Variants in SHC3 observed in about 807,000 individuals in gnomAD.
SHC3 encodes SHC-transforming protein 3.
Under a neutral mutation model 60.4 loss-of-function variants are expected in SHC3, and 15 were observed. The ratio of observed to expected loss-of-function variants is 0.25; its 90% CI spans 0.17 to 0.38. The LOEUF (loss-of-function observed/expected upper bound fraction) is 0.38. SHC3 is among the 10% of genes least tolerant of loss of function. SHC3 has a pLI of 1.00. For missense variants in SHC3, 677 were observed against 786.1 expected (o/e 0.86, Z 1.66); for synonymous variants, 294 against 325.9 (o/e 0.90, Z 1.05).
intron 2 of SHC3, among the ~76,000 whole-genome samples, chr9:89,094,710 C>A (rs1017198815): frequency 6.6e-6 from 1 of 152,096 alleles, no homozygotes; most frequent in Non-Finnish European, 1.5e-5. Context: ...CTGTTTGCAA[C>A]AGAAGCCCTG....
intron 2 of SHC3, among the ~76,000 whole-genome samples, chr9:89,082,832 T>C (rs1825467081): frequency 6.6e-5 from 10 of 152,206 alleles, no homozygotes; most frequent in Admixed American, 6.5e-4. Context: ...GGACTCTGAA[T>C]GCTTCAGCAG....
chr9:89,138,482 A>G (rs1171295241), intron 1 of SHC3, among the ~76,000 whole-genome samples: 1 of 152,224 alleles, frequency 6.6e-6, no homozygotes, highest in East Asian at 1.9e-4. Context: ...GAGGACAACC[A>G]GAGGTCACTC....
At chr9:89,139,874 T>C (rs1405846216) in intron 1 of SHC3, among the ~76,000 whole-genome samples, 1 of 152,216 alleles carries the variant, frequency 6.6e-6, no homozygotes, top group Admixed American at 6.5e-5. Flanking sequence ...CCCTAGGCCT[T>C]ATTTAGAATC....
At chr9:89,066,835 G>T (rs1825191076) in intron 5 of SHC3, among the ~76,000 whole-genome samples, 1 of 152,148 alleles carries the variant, frequency 6.6e-6, no homozygotes, top group Non-Finnish European at 1.5e-5. Flanking sequence ...AGCTCTCCAA[G>T]GAGAGAGAGA....
chr9:89,166,161 A>G lies in SHC3; in HGVS notation c.474+11826T>C, dbSNP rs1300073641. On this transcript the variant is annotated intron_variant, in intron 1 of 11. Coordinates refer to ENST00000375835, the MANE Select transcript of SHC3 (RefSeq NM_016848.6). ...CACACACATGTCCCATCCACATGCC[A>G]GATAATCCCACCCATTATTTGGGCT... is the stretch of plus-strand genomic sequence containing the variant. 5.3e-5 allele frequency among the ~76,000 whole-genome samples: 8 copies of G among 152,108 alleles called. No individual in the cohort carries two copies. The East Asian group carries it at 1.5e-3, about 29-fold the overall frequency.
At chr9:89,057,283 A>G (rs1374638865) in intron 6 of SHC3, among the ~76,000 whole-genome samples, 1 of 149,484 alleles carries the variant, frequency 6.7e-6, no homozygotes, top group East Asian at 2.0e-4. Flanking sequence ...CAATGTAGCC[A>G]TGCACTCTGA....
intron 11 of SHC3, among the ~76,000 whole-genome samples, chr9:89,023,048 G>T (rs2118647878): frequency 6.6e-6 from 1 of 152,318 alleles, no homozygotes; most frequent in Non-Finnish European, 1.5e-5. Flanking sequence ...TGATGGGTTT[G>T]AGTGAGTCAG....
chr9:89,062,722 A>C (rs1214725323), intron 6 of SHC3, among the ~76,000 whole-genome samples: 1 of 152,230 alleles, frequency 6.6e-6, no homozygotes, highest in Non-Finnish European at 1.5e-5. Flanking sequence ...GAGGGCTAGA[A>C]GCCCCAGTGT....
chr9:89,178,818 C>A lies in SHC3; in HGVS notation c.-358G>T. ...CTCAACAAAGGCTCGGTGAGCACTG[C>A]AAATCACTTCCTGTAGCAGAAGAAA... On this transcript the variant is annotated 5_prime_UTR_variant, in exon 1 of 12. Transcript: ENST00000375835. The surrounding 1 kb of genome is among the most constrained non-coding windows in gnomAD (Gnocchi z 6.9). 16 of 190,652 alleles carry A rather than the reference C, an allele frequency of 8.4e-5. No homozygotes were observed. Among genetic ancestry groups the A allele is most frequent in the Middle Eastern group, 2.0e-3 (1 of 496 alleles). 11.8% of individuals were successfully genotyped at this position (190,652 alleles called of 1,614,324 possible). A position where few individuals can be genotyped will look rare whatever the true frequency, so the allele number is the denominator to read the frequency against.
intron 11 of SHC3, among the ~76,000 whole-genome samples, chr9:89,017,920 A>T (rs1458796390): frequency 6.6e-6 from 1 of 152,258 alleles, no homozygotes; most frequent in Non-Finnish European, 1.5e-5. Flanking sequence ...TGATTACAGA[A>T]ATGCAAATCA....
rs544250703 is a variant in SHC3 at position 89,139,242 on chromosome 9, G to A, written c.475-26616C>T. Among the ~76,000 whole-genome samples, 3 of 152,240 alleles carry A rather than the reference G, an allele frequency of 2.0e-5. No individual in the cohort carries two copies. The South Asian group carries it at 6.2e-4, about 32-fold the overall frequency. On this transcript the variant is annotated intron_variant, in intron 1 of 11. Transcript: ENST00000375835. ...TGGTTCACAGGAATGAGCCAGATCA[G>A]CCTAAGTTGAAGAAAAAACTCAAAA...
intron 5 of SHC3, among the ~76,000 whole-genome samples, chr9:89,067,453 T>A (rs1185705648): frequency 1.3e-5 from 2 of 152,242 alleles, no homozygotes; most frequent in Non-Finnish European, 2.9e-5. Context: ...GACCACTGTG[T>A]TATCAAGTTC....
chr9:89,105,642 T>C (rs757172145), intron 2 of SHC3, among the ~76,000 whole-genome samples: 21 of 152,220 alleles, frequency 1.4e-4, no homozygotes, highest in Non-Finnish European at 2.8e-4. Flanking sequence ...ATGTGTTTGA[T>C]AAATATTTGT....
intron 1 of SHC3, among the ~76,000 whole-genome samples, chr9:89,120,410 A>C (rs1826076362): frequency 6.6e-6 from 1 of 152,200 alleles, no homozygotes; most frequent in Admixed American, 6.5e-5. Flanking sequence ...GGCAAAGGGT[A>C]CAAAAAGGAA....
chr9:89,172,821 T>A (rs1483552766), intron 1 of SHC3, among the ~76,000 whole-genome samples: 6 of 152,232 alleles, frequency 3.9e-5, no homozygotes, highest in Admixed American at 3.9e-4. Context: ...CTAACTCTAC[T>A]GCCCTTGGGT....
chr9:89,116,419 G>A (rs909788237), intron 1 of SHC3, among the ~76,000 whole-genome samples: 11 of 151,972 alleles, frequency 7.2e-5, no homozygotes, highest in Admixed American at 5.2e-4. Flanking sequence ...ACAGAGTTAC[G>A]TGAATACAAC....
chr9:89,173,742 T>A (rs926608485), intron 1 of SHC3, among the ~76,000 whole-genome samples: 1 of 152,028 alleles, frequency 6.6e-6, no homozygotes, highest in East Asian at 1.9e-4. Flanking sequence ...GTGTGTGGTT[T>A]GTGTATATGT....
intron 1 of SHC3, among the ~76,000 whole-genome samples, chr9:89,136,350 A>G (rs761434835): frequency 6.6e-6 from 1 of 152,206 alleles, no homozygotes; most frequent in Non-Finnish European, 1.5e-5. Context: ...AGGGTATGAT[A>G]GGAGGTCAGC....
intron 1 of SHC3, among the ~76,000 whole-genome samples, chr9:89,157,214 A>G (rs1245007514): frequency 6.6e-6 from 1 of 152,206 alleles, no homozygotes; most frequent in African/African-American, 2.4e-5. Context: ...TAACATCCTG[A>G]GATAGAAAGA....
Sources: gnomAD v4.1 joint callset for allele counts (sites outside exome capture counted in the v4.1 genomes callset) on GRCh38, gnomAD v4.1.1 for gene constraint, Gnocchi (gnomAD v3.1) non-coding constraint, MANE v1.5 for transcripts, NCBI Gene and HGNC (gene_info 2026-07-23, HGNC 2026-07-21) for gene names.